The following RBIS variants were observed in gnomAD, a reference collection of about 807,000 sequenced individuals.
The protein encoded by RBIS is ribosomal biogenesis factor, also known as ribosome biogenesis factor identified in screen.
A neutral mutation model predicts 9.8 loss-of-function variants in RBIS; 9 were observed. That is an observed-to-expected ratio of 0.92 (90% confidence interval 0.56 to 1.61). The LOEUF is 1.61. RBIS is among the 40% of genes most tolerant of loss of function. The pLI is 0.00. For missense variants in RBIS, 103 were observed against 116.0 expected (o/e 0.89, Z 0.51); for synonymous variants, 35 against 37.9 (o/e 0.92, Z 0.28).
At chr8:85,215,356 CATT>C (rs1813100765) in intron 2 of RBIS, 1 of 157,618 alleles carries the variant, frequency 6.3e-6, no homozygotes, top group African/African-American at 2.4e-5. Context: ...CTTTTTAAAT[CATT>C]GTATTAAGAG....
At chr8:85,215,149 G>A (rs1453320727) in intron 2 of RBIS, 112 bp from the exon 3 acceptor site, 8 of 473,096 alleles carry the variant, frequency 1.7e-5, no homozygotes, top group African/African-American at 4.1e-5. Flanking sequence ...CAACAAATTA[G>A]GGATAATTCA....
chr8:85,218,571 G>A (rs1813236103), intron 1 of RBIS: 1 of 152,194 alleles, frequency 6.6e-6, no homozygotes, highest in South Asian at 2.1e-4. Context: ...AGTTTAATTG[G>A]AGGCCAAGTG....
At position 85,217,440 on chromosome 8, in the gene RBIS, T is replaced by A; in HGVS notation, c.60A>T (p.Gln20His). ...KSRNVFHIAS[Q>H]KNFKAKNKAK... ...CTTTGTTTTTAGCCTTAAAGTTTTT[T>A]TGGCTGGCTATGTGAAATACATTCC... The change falls in exon 2 of 4, where the codon CAA (glutamine) becomes CAT (histidine). Residue 20 changes from glutamine to histidine, a missense_variant. Transcript: ENST00000619594. The A allele has an allele frequency of 6.2e-7, 1 of 1,612,974 alleles. No individual in the cohort carries two copies. Among genetic ancestry groups the A allele is most frequent in the Non-Finnish European group, 8.5e-7 (1 of 1,179,702 alleles).
intron 2 of RBIS, 71 bp downstream of exon 2, chr8:85,217,315 C>CAGCT: frequency 1.1e-6 from 1 of 874,930 alleles, no homozygotes; most frequent in Non-Finnish European, 2.0e-6. Context: ...TAATAGTATA[C>CAGCT]AGCTGTTCAG....
At chr8:85,220,260 A>T (rs1813319798) in intron 1 of RBIS, 46 bp downstream of exon 1, 1 of 152,354 alleles carries the variant, frequency 6.6e-6, no homozygotes, top group Non-Finnish European at 1.5e-5. Context: ...GACCCCTGCA[A>T]ACTTCACGCC....
intron 1 of RBIS, among the ~76,000 whole-genome samples, chr8:85,218,146 G>T (rs574217466): frequency 1.3e-5 from 2 of 152,062 alleles, no homozygotes; most frequent in Non-Finnish European, 2.9e-5. Context: ...TGTATATGAG[G>T]AATAATTTTT....
intron 1 of RBIS, among the ~76,000 whole-genome samples, chr8:85,218,422 G>T (rs1489086271): frequency 6.6e-6 from 1 of 151,882 alleles, no homozygotes; most frequent in Admixed American, 6.6e-5. Flanking sequence ...AAATATAAAA[G>T]CTATACAAAA....
In RBIS at chr8:85,217,347, TTGTAAACAATAAAGTCAGAG is replaced by T; in HGVS notation, c.114+19_114+38del. Reference sequence around the variant, plus strand: ...TCAGTAGCTTACAATGACACTTTGCTTGTAAACAATAAAGTCAGAGTGCTTAACTAATACTCACCTTCTTA... The same window carrying T: ...TCAGTAGCTTACAATGACACTTTGCTTGCTTAACTAATACTCACCTTCTTA... On this transcript the variant is annotated intron_variant, in intron 2 of 3. Coordinates refer to ENST00000619594, the MANE Select transcript of RBIS (RefSeq NM_001099673.3). The T allele has an allele frequency of 8.5e-7, 1 of 1,172,864 alleles. No individual in the cohort carries two copies. Among genetic ancestry groups the T allele is most frequent in the South Asian group, 1.2e-5 (1 of 82,074 alleles). The allele number at this position is 1,172,864 out of a possible 1,614,324, so 72.7% of individuals were successfully genotyped here. A position where few individuals can be genotyped will look rare whatever the true frequency, so the allele number is the denominator to read the frequency against.
At position 85,215,235 on chromosome 8, in the gene RBIS, C is replaced by T. The variant is rs4150974; in HGVS notation, c.115-198G>A. ...TTTTTAAAAAATGGGATTTATGTGG[C>T]TATGCCTCACACTTATGGTTCAGAA... is the stretch of plus-strand genomic sequence containing the variant. On this transcript the variant is annotated intron_variant, in intron 2 of 3. Coordinates refer to ENST00000619594, the MANE Select transcript of RBIS (RefSeq NM_001099673.3). 4.6e-5 allele frequency: 16 copies of T among 344,472 alleles called. No homozygotes were observed. The South Asian group carries it at 4.9e-4, about 11-fold the overall frequency. 21.3% of individuals were successfully genotyped at this position (344,472 alleles called of 1,614,324 possible).
At chr8:85,219,883 G>A (rs916000736) in intron 1 of RBIS, among the ~76,000 whole-genome samples, 1 of 152,032 alleles carries the variant, frequency 6.6e-6, no homozygotes, top group East Asian at 1.9e-4. Flanking sequence ...CATAAATAAT[G>A]ACAGTATATA....
At position 85,214,165 on chromosome 8, in the gene RBIS, A is replaced by G. The variant is rs2129785884; in HGVS notation, c.*395T>C. ...TTCTGTTTTTTCTTCTTAAGGAGGA[A>G]AGTTAAAGGACACTACAGGTCATCA... On this transcript the variant is annotated 3_prime_UTR_variant, in exon 4 of 4. Coordinates refer to ENST00000619594, the MANE Select transcript of RBIS (RefSeq NM_001099673.3). The G allele has an allele frequency of 1.9e-6, 1 of 535,852 alleles. No homozygotes were observed. Among genetic ancestry groups the G allele is most frequent in the East Asian group, 4.7e-5 (1 of 21,124 alleles). The allele number at this position is 535,852 out of a possible 1,614,324, so 33.2% of individuals were successfully genotyped here.
At chr8:85,214,743 A>C in intron 3 of RBIS, 112 bp from the exon 4 acceptor site, 1 of 821,478 alleles carries the variant, frequency 1.2e-6, no homozygotes. Context: ...GAAGTAGAAC[A>C]ATCTGTATAT....
chr8:85,214,795 A>G (rs1270846151), intron 3 of RBIS, 126 bp downstream of exon 3: 5 of 727,544 alleles, frequency 6.9e-6, no homozygotes, highest in Non-Finnish European at 1.2e-5. Context: ...TTTATACTAT[A>G]GAGCCTAGTA....
At chr8:85,219,253 C>A (rs1813270882) in intron 1 of RBIS, 1 of 152,164 alleles carries the variant, frequency 6.6e-6, no homozygotes, top group Non-Finnish European at 1.5e-5. Flanking sequence ...CAGTCGTAGT[C>A]TTGACTGAAA....
At chr8:85,216,966 G>T in intron 2 of RBIS, 1 of 235,764 alleles carries the variant, frequency 4.2e-6, no homozygotes, top group Non-Finnish European at 8.0e-6. Context: ...ACAGGTTTTT[G>T]TTTGAATTGC....
chr8:85,218,347 G>A (rs558891139), intron 1 of RBIS, among the ~76,000 whole-genome samples: 14 of 152,062 alleles, frequency 9.2e-5, no homozygotes, highest in African/African-American at 3.1e-4. Context: ...ACCAGGAGAT[G>A]CCAGGACTTA....
At chr8:85,218,641 C>T (rs1310478678) in intron 1 of RBIS, 1 of 152,114 alleles carries the variant, frequency 6.6e-6, no homozygotes, top group African/African-American at 2.4e-5. Flanking sequence ...CAGAGACCAG[C>T]CTCACCATGG....
At chr8:85,217,645 A>G in intron 1 of RBIS, 143 bp from the exon 2 acceptor site, 1 of 618,962 alleles carries the variant, frequency 1.6e-6, no homozygotes, top group Non-Finnish European at 2.8e-6. Context: ...ATTATTTCCA[A>G]GTCTTTCACT....
chr8:85,219,614 G>A (rs907460249), intron 1 of RBIS, among the ~76,000 whole-genome samples: 4 of 152,048 alleles, frequency 2.6e-5, no homozygotes, highest in Non-Finnish European at 5.9e-5. Context: ...AGCCGGGCGT[G>A]GTGACGCGCG....
Sources: gnomAD v4.1 joint callset for allele counts (sites outside exome capture counted in the v4.1 genomes callset) on GRCh38, gnomAD v4.1.1 for gene constraint, MANE v1.5 for transcripts, NCBI Gene and HGNC (gene_info 2026-07-23, HGNC 2026-07-21) for gene names.